CUX1: variants seen among roughly 807,000 people sequenced by gnomAD.
CUX1 encodes cut like homeobox 1.
CUX1 carries 31 observed loss-of-function variants against 158.8 expected under a neutral mutation model. That is an observed-to-expected ratio of 0.20 (90% confidence interval 0.15 to 0.26). The LOEUF is 0.26. Ranked by LOEUF, CUX1 falls within the 10% of genes least tolerant of loss-of-function variation. CUX1 has a pLI of 1.00. For missense variants in CUX1, 1,589 were observed against 2,014.6 expected (o/e 0.79, Z 4.04); for synonymous variants, 879 against 862.1 (o/e 1.02, Z -0.34).
intron 6 of CUX1, among the ~76,000 whole-genome samples, chr7:102,105,835 A>G (rs569915160): frequency 6.6e-6 from 1 of 151,958 alleles, no homozygotes; most frequent in African/African-American, 2.4e-5. Context: ...TTTTAAACTC[A>G]TGGGTTAAAT....
At chr7:101,882,749 G>T (rs1388109617) in intron 1 of CUX1, among the ~76,000 whole-genome samples, 2 of 152,142 alleles carry the variant, frequency 1.3e-5, no homozygotes, top group Non-Finnish European at 2.9e-5. Flanking sequence ...GTGGGTCCTT[G>T]CTTTAAGCCC....
intron 2 of CUX1, among the ~76,000 whole-genome samples, chr7:101,975,122 G>A (rs2129201709): frequency 6.6e-6 from 1 of 152,186 alleles, no homozygotes; most frequent in East Asian, 1.9e-4. Context: ...GTGATGGGAG[G>A]TGCCTGTAAT....
In CUX1 at chr7:101,817,662, G is replaced by A. The variant is rs1401326458; in HGVS notation, c.23G>A (p.Arg8Lys). ...TGGATGTTGTGCGTAGCCGGAGCCA[G>A]GTTGAAGGTGAGCGGCGTGTGGGCC... The part of the protein sequence containing the change: MLCVAGA[R>K]LKRELDATAT... The change falls in exon 1 of 24, where the codon AGG becomes AAG. Residue 8 changes from arginine to lysine, a missense_variant. Physicochemically the swap from Arg to Lys is conservative, Grantham distance 26 (BLOSUM62 2). This residue lies in a region of CUX1 where 63 missense variants were observed against 109.2 expected (regional missense o/e 0.58). Coordinates refer to ENST00000292535, the MANE Select transcript of CUX1 (RefSeq NM_181552.4). This position sits in a 1 kb window ranked among gnomAD's most constrained non-coding sequence, Gnocchi z 4.1. The A allele has an allele frequency of 1.3e-6, 2 of 1,552,338 alleles. No homozygotes were observed. Among genetic ancestry groups the A allele is most frequent in the African/African-American group, 1.4e-5 (1 of 73,306 alleles).
chr7:102,247,720 C>T (rs55667222), intron 23 of CUX1, among the ~76,000 whole-genome samples: 1 of 152,276 alleles, frequency 6.6e-6, no homozygotes, highest in East Asian at 1.9e-4. Flanking sequence ...ACTCAGGAGG[C>T]TCAGATGGGA....
At chr7:102,280,247 G>A (rs545051076) in intron 19 of CUX1, 19 of 624,818 alleles carry the variant, frequency 3.0e-5, no homozygotes, top group East Asian at 2.5e-4. Flanking sequence ...ACCTGCCCTT[G>A]TCTGGGTGCT....
intron 4 of CUX1, among the ~76,000 whole-genome samples, chr7:102,074,414 G>A (rs972613638): frequency 6.6e-6 from 1 of 152,204 alleles, no homozygotes; most frequent in Non-Finnish European, 1.5e-5. Context: ...GGAGTGACAG[G>A]CACCTGACCG....
At chr7:102,270,218 G>T (rs118081135) in intron 14 of CUX1, among the ~76,000 whole-genome samples, 1 of 152,236 alleles carries the variant, frequency 6.6e-6, no homozygotes, top group Non-Finnish European at 1.5e-5. Context: ...CCCCACCTGC[G>T]TGTTCCAGCC....
chr7:102,129,596 A>G (rs1264242380), intron 8 of CUX1, among the ~76,000 whole-genome samples: 1 of 152,196 alleles, frequency 6.6e-6, no homozygotes, highest in African/African-American at 2.4e-5. Context: ...AAGCAGGAGA[A>G]TGGCTTGAAC....
chr7:102,189,005 C>G lies in CUX1; in HGVS notation c.1018-808C>G, dbSNP rs528667637. ...AGGGCCCTCCCCGCAGGACTCAGAC[C>G]AGCTGGCTGTCAGGGAAGCCACCAA... On this transcript the variant is annotated intron_variant, in intron 11 of 23. Transcript: ENST00000292535. Among the ~76,000 whole-genome samples, 6 of 152,198 alleles carry G rather than the reference C, an allele frequency of 3.9e-5. No homozygotes were observed. The East Asian group carries it at 1.2e-3, about 30-fold the overall frequency.
chr7:102,168,923 C>CTTTTTTTTTTTTTTT (rs1191271149), intron 9 of CUX1, among the ~76,000 whole-genome samples: 1 of 45,040 alleles, frequency 2.2e-5, no homozygotes, highest in African/African-American at 1.6e-4. Context: ...ATTTTCTTTT[C>CTTTTTTTTTTTTTTT]TTTTCTTTTA....
chr7:102,252,848 G>C lies in CUX1; in HGVS notation c.*3806G>C. 13 of 985,456 alleles carry C rather than the reference G, an allele frequency of 1.3e-5. No homozygotes were observed. Among genetic ancestry groups the C allele is most frequent in the Non-Finnish European group, 1.6e-5 (13 of 829,960 alleles). 61.0% of individuals were successfully genotyped at this position (985,456 alleles called of 1,614,324 possible). ...AGGGTTATCAGAGCCATGGAGCTTA[G>C]CTCAATTGGATTCTTCTAGACGATC... On this transcript the variant is annotated 3_prime_UTR_variant, in exon 24 of 24. Coordinates refer to ENST00000292535, the MANE Select transcript of CUX1 (RefSeq NM_181552.4).
At chr7:101,822,473 C>G (rs1792767484) in intron 1 of CUX1, 1 of 152,224 alleles carries the variant, frequency 6.6e-6, no homozygotes, top group Non-Finnish European at 1.5e-5. Context: ...TGAGGGGAAC[C>G]TGTGCCGTTC....
At position 101,870,852 on chromosome 7, in the gene CUX1, G is replaced by A. The variant is rs574454075; in HGVS notation, c.31-45263G>A. Among the ~76,000 whole-genome samples, 12 of 152,348 alleles carry A rather than the reference G, an allele frequency of 7.9e-5. No homozygotes were observed. The South Asian group carries it at 1.9e-3, about 24-fold the overall frequency. On this transcript the variant is annotated intron_variant, in intron 1 of 23. Coordinates refer to ENST00000292535, the MANE Select transcript of CUX1 (RefSeq NM_181552.4). ...TTTTGCCTTGTAAAATTGGTAGTGA[G>A]TAATTTTAGAATAGATGCTTATGAA...
At chr7:102,130,129 G>A (rs1462650862) in intron 8 of CUX1, among the ~76,000 whole-genome samples, 1 of 152,132 alleles carries the variant, frequency 6.6e-6, no homozygotes, top group Non-Finnish European at 1.5e-5. Flanking sequence ...AGACAGTGGG[G>A]TGTCTCATAT....
At chr7:102,195,962 G>A (rs960756346) in intron 14 of CUX1, among the ~76,000 whole-genome samples, 1 of 152,164 alleles carries the variant, frequency 6.6e-6, no homozygotes, top group East Asian at 1.9e-4. Context: ...GCCTCGCTCT[G>A]GTGGTGTTTT....
chr7:101,951,654 C>T (rs528601652), intron 2 of CUX1, among the ~76,000 whole-genome samples: 11 of 152,212 alleles, frequency 7.2e-5, no homozygotes, highest in South Asian at 2.1e-4. Context: ...TACAGGCGTC[C>T]GCCACCACAC....
chr7:101,926,390 G>A (rs773301169), intron 2 of CUX1, among the ~76,000 whole-genome samples: 7 of 152,062 alleles, frequency 4.6e-5, no homozygotes, highest in East Asian at 1.9e-4. Context: ...AACCTAATTC[G>A]GGCCCCAGTC....
Position 101,873,342 on chromosome 7 carries a change from C to G in CUX1, c.31-42773C>G, listed in dbSNP as rs187232904. On this transcript the variant is annotated intron_variant, in intron 1 of 23. Coordinates refer to ENST00000292535, the MANE Select transcript of CUX1 (RefSeq NM_181552.4). ...TTTTTCCTAATGCTATCCCTCCCCCCACCCCATATGTTTTATTTTATTTTT... is the reference window on the plus strand; with the variant it reads ...TTTTTCCTAATGCTATCCCTCCCCCGACCCCATATGTTTTATTTTATTTTT... 5.8e-3 allele frequency among the ~76,000 whole-genome samples: 567 copies of G among 97,672 alleles called. 8 individuals carry two copies. The highest frequency in any genetic ancestry group is 0.021 in the African/African-American group (523 of 25,144). The allele number at this position is 97,672 out of a possible 152,430, so 64.1% of individuals were successfully genotyped here.
chr7:102,261,995 G>A (rs1790433617), downstream of CUX1, among the ~76,000 whole-genome samples: 1 of 152,194 alleles, frequency 6.6e-6, no homozygotes, highest in East Asian at 1.9e-4. Flanking sequence ...GCACATGCCT[G>A]TAGTCCCAGC....
Sources: gnomAD v4.1 joint callset for allele counts (sites outside exome capture counted in the v4.1 genomes callset) on GRCh38, gnomAD v4.1.1 for gene constraint, gnomAD v4.1.1 regional missense constraint, Gnocchi (gnomAD v3.1) non-coding constraint, MANE v1.5 for transcripts, NCBI Gene and HGNC (gene_info 2026-07-23, HGNC 2026-07-21) for gene names.